Variants in NUBPL observed in about 807,000 individuals in gnomAD.
The protein encoded by NUBPL is NUBP iron-sulfur cluster assembly factor, mitochondrial.
NUBPL carries 31 observed loss-of-function variants against 45.7 expected under a neutral mutation model. The observed-to-expected ratio is 0.68, with a 90% CI of 0.51 to 0.92. The LOEUF (loss-of-function observed/expected upper bound fraction) is 0.92. Ranked by LOEUF, NUBPL falls within the 40% of genes least tolerant of loss-of-function variation. The pLI, the probability that NUBPL is intolerant of heterozygous loss-of-function variation, is 0.00. For synonymous variants in NUBPL, 144 were observed against 140.9 expected, an observed-to-expected ratio of 1.02 and a Z score of -0.15; for missense variants, 401 against 398.7, an observed-to-expected ratio of 1.01 and a Z score of -0.05.
intron 10 of NUBPL, among the ~76,000 whole-genome samples, chr14:31,858,302 G>A (rs909170165): frequency 2.6e-5 from 4 of 152,164 alleles, no homozygotes; most frequent in African/African-American, 9.7e-5. Context: ...AGTTACAATT[G>A]AAGATGAGAT....
chr14:31,717,544 T>C (rs1163465361), intron 6 of NUBPL, among the ~76,000 whole-genome samples: 1 of 152,240 alleles, frequency 6.6e-6, no homozygotes, highest in Admixed American at 6.5e-5. Flanking sequence ...AATTCTTCTC[T>C]TCACTTTGTG....
intron 4 of NUBPL, among the ~76,000 whole-genome samples, chr14:31,639,076 T>A (rs2035599890): frequency 6.6e-6 from 1 of 152,218 alleles, no homozygotes; most frequent in African/African-American, 2.4e-5. Context: ...GAAGCCTTCT[T>A]CTCTCAGCTC....
chr14:31,802,566 G>A (rs1163988706), intron 7 of NUBPL, among the ~76,000 whole-genome samples: 3 of 152,152 alleles, frequency 2.0e-5, no homozygotes, highest in African/African-American at 7.2e-5. Flanking sequence ...GTGAGCCACC[G>A]TACCTGGCCG....
At chr14:31,660,236 C>G (rs1003295279) in intron 4 of NUBPL, among the ~76,000 whole-genome samples, 1 of 152,162 alleles carries the variant, frequency 6.6e-6, no homozygotes, top group Non-Finnish European at 1.5e-5. Context: ...TACCTTCTCT[C>G]TTTAAACCCC....
intron 4 of NUBPL, among the ~76,000 whole-genome samples, chr14:31,642,752 T>C (rs910673554): frequency 1.4e-4 from 21 of 152,198 alleles, no homozygotes; most frequent in African/African-American, 4.6e-4. Context: ...AGGGATTGCA[T>C]TGAATCTGTA....
At chr14:31,751,366 C>T (rs1243462056) in intron 6 of NUBPL, among the ~76,000 whole-genome samples, 1 of 152,248 alleles carries the variant, frequency 6.6e-6, no homozygotes, top group Non-Finnish European at 1.5e-5. Flanking sequence ...AAGTTAGTTA[C>T]TTCCAAGATA....
chr14:31,685,829 T>C (rs1359667789), intron 6 of NUBPL, among the ~76,000 whole-genome samples: 1 of 152,200 alleles, frequency 6.6e-6, no homozygotes, highest in Non-Finnish European at 1.5e-5. Context: ...CAGTTTTTAG[T>C]GTTCATGAAA....
intron 7 of NUBPL, among the ~76,000 whole-genome samples, chr14:31,822,621 G>C (rs2040036241): frequency 6.6e-6 from 1 of 151,990 alleles, no homozygotes; most frequent in African/African-American, 2.4e-5. Flanking sequence ...GAGGCTGATT[G>C]TATTGTGATT....
At chr14:31,691,166 G>A (rs2037085470) in intron 6 of NUBPL, among the ~76,000 whole-genome samples, 2 of 152,168 alleles carry the variant, frequency 1.3e-5, no homozygotes, top group African/African-American at 2.4e-5. Context: ...CCACCCCTAA[G>A]ACAGCAAGAC....
At chr14:31,716,195 T>A (rs2037684737) in intron 6 of NUBPL, among the ~76,000 whole-genome samples, 1 of 152,212 alleles carries the variant, frequency 6.6e-6, no homozygotes, top group African/African-American at 2.4e-5. Context: ...TCTTCTGGAA[T>A]ACCTTTTGAA....
At chr14:31,793,379 G>A (rs537661209) in intron 7 of NUBPL, among the ~76,000 whole-genome samples, 3 of 152,106 alleles carry the variant, frequency 2.0e-5, no homozygotes, top group African/African-American at 4.8e-5. Flanking sequence ...TCTACTCCCC[G>A]CCATCTTCCC....
chr14:31,637,730 C>T (rs1421047084), intron 4 of NUBPL, among the ~76,000 whole-genome samples: 3 of 152,138 alleles, frequency 2.0e-5, no homozygotes, highest in South Asian at 2.1e-4. Context: ...GTCTAAGTCT[C>T]TTTGTAGGTC....
chr14:31,580,458 TACA>T (rs900656063), intron 3 of NUBPL, among the ~76,000 whole-genome samples: 5 of 152,038 alleles, frequency 3.3e-5, no homozygotes, highest in African/African-American at 9.7e-5. Context: ...TCCCCGTTTC[TACA>T]ACAACAAGTA....
chr14:31,840,531 G>A (rs1299228964), intron 8 of NUBPL, among the ~76,000 whole-genome samples: 10 of 148,862 alleles, frequency 6.7e-5, no homozygotes, highest in Admixed American at 1.4e-4. Context: ...CCAAGATCAC[G>A]CCACTGCACT....
At chr14:31,791,525 T>C (rs931668442) in intron 7 of NUBPL, among the ~76,000 whole-genome samples, 3 of 152,158 alleles carry the variant, frequency 2.0e-5, no homozygotes, top group Non-Finnish European at 4.4e-5. Context: ...ATATATGGTA[T>C]ACAGAAACAC....
At chr14:31,677,202 T>C (rs868303124) in intron 6 of NUBPL, among the ~76,000 whole-genome samples, 1 of 152,314 alleles carries the variant, frequency 6.6e-6, no homozygotes, top group East Asian at 1.9e-4. Context: ...TATACTCTTT[T>C]AGCTATTTTA....
chr14:31,726,768 T>C (rs1043617649), intron 6 of NUBPL, among the ~76,000 whole-genome samples: 5 of 147,770 alleles, frequency 3.4e-5, no homozygotes, highest in African/African-American at 1.1e-4. Context: ...GTGTTTATAC[T>C]GGGTTAAAAA....
intron 3 of NUBPL, among the ~76,000 whole-genome samples, chr14:31,594,024 G>A (rs975129955): frequency 6.6e-6 from 1 of 152,118 alleles, no homozygotes; most frequent in Non-Finnish European, 1.5e-5. Context: ...GCCCAGGAAT[G>A]GCATTATCTC....
chr14:31,664,446 G>A (rs753920904), intron 4 of NUBPL, among the ~76,000 whole-genome samples: 1 of 152,132 alleles, frequency 6.6e-6, no homozygotes, highest in Non-Finnish European at 1.5e-5. Context: ...TAGCATAAAG[G>A]GCTGTTGAAT....
Sources: gnomAD v4.1 joint callset for allele counts (sites outside exome capture counted in the v4.1 genomes callset) on GRCh38, gnomAD v4.1.1 for gene constraint, MANE v1.5 for transcripts, NCBI Gene and HGNC (gene_info 2026-07-23, HGNC 2026-07-21) for gene names.